The following DDX17 variants were observed in gnomAD, a reference collection of about 807,000 sequenced individuals.
DDX17 encodes probable ATP-dependent RNA helicase DDX17.
Under a neutral mutation model 80.8 loss-of-function variants are expected in DDX17, and 10 were observed. The observed-to-expected ratio is 0.12, with a 90% CI of 0.08 to 0.21. DDX17 has a LOEUF of 0.21. DDX17 is among the 10% of genes least tolerant of loss of function. The pLI is 1.00. For missense variants in DDX17, 586 were observed against 957.4 expected, an observed-to-expected ratio of 0.61 and a Z score of 5.12; for synonymous variants, 339 against 336.2, an observed-to-expected ratio of 1.01 and a Z score of -0.09.
chr22:38,496,775 C>T (rs550407579), intron 5 of DDX17, among the ~76,000 whole-genome samples: 1 of 152,224 alleles, frequency 6.6e-6, no homozygotes, highest in African/African-American at 2.4e-5. Flanking sequence ...TGTAATCTGA[C>T]AAGACTGTGT....
At chr22:38,492,165 G>C in intron 10 of DDX17, 50 bp from the exon 11 acceptor site, 1 of 1,494,358 alleles carries the variant, frequency 6.7e-7, no homozygotes, top group East Asian at 2.3e-5. Flanking sequence ...CTTGCTATCT[G>C]ATCTGTTTAC....
intron 7 of DDX17, 42 bp from the exon 8 acceptor site, chr22:38,494,844 G>A: frequency 4.3e-6 from 7 of 1,613,828 alleles, no homozygotes; most frequent in Non-Finnish European, 5.9e-6. Flanking sequence ...TAAGGAACTT[G>A]GACAAATGGC....
intron 1 of DDX17, 119 bp downstream of exon 1, chr22:38,505,831 CG>C (rs1483851762): frequency 7.9e-7 from 1 of 1,270,842 alleles, no homozygotes; most frequent in Non-Finnish European, 1.1e-6. Context: ...CGCCTCGAGT[CG>C]CCTCCCCTCG....
intron 11 of DDX17, chr22:38,491,830 A>T: frequency 2.3e-6 from 1 of 433,688 alleles, no homozygotes; most frequent in African/African-American, 2.2e-5. Context: ...TGTTAGGAGC[A>T]GGAAGAGACT....
intron 5 of DDX17, among the ~76,000 whole-genome samples, chr22:38,497,343 G>A (rs1055010222): frequency 2.8e-5 from 4 of 144,498 alleles, no homozygotes; most frequent in Admixed American, 1.4e-4. Flanking sequence ...AATGCCAGGC[G>A]CGGTGGCTCA....
chr22:38,494,473 C>G lies in DDX17; in HGVS notation c.1214+157G>C. On this transcript the variant is annotated intron_variant, in intron 8 of 12. Transcript: ENST00000403230. ...AGAATCCTTGCATTTAACCATAATG[C>G]TCTGACAAATGATATGATGATGGAT... 9.8e-6 allele frequency: 7 copies of G among 711,042 alleles called. No individual in the cohort carries two copies. In the South Asian group the frequency reaches 1.4e-4, roughly 14 times the overall value. The allele number at this position is 711,042 out of a possible 1,614,324, so 44.0% of individuals were successfully genotyped here. A position where few individuals can be genotyped will look rare whatever the true frequency, so the allele number is the denominator to read the frequency against.
Position 38,489,283 on chromosome 22 carries a change from CCTTTT to C in DDX17, c.1448-1173_1448-1169del, listed in dbSNP as rs1220667483. On this transcript the variant is annotated intron_variant, in intron 11 of 12. Coordinates refer to ENST00000403230, the MANE Select transcript of DDX17 (RefSeq NM_006386.5). This position sits in a 1 kb window ranked among gnomAD's most constrained non-coding sequence, Gnocchi z 4.6. ...CGCTGCAGCCGATCCCGTCTCTTTG[CCTTTT>C]ATTTTTGGCGGCCTCCTTTCGAAAA... The C allele has an allele frequency of 4.1e-6, 4 of 985,722 alleles. No homozygotes were observed. Among genetic ancestry groups the C allele is most frequent in the Non-Finnish European group, 3.6e-6 (3 of 829,938 alleles). 61.1% of individuals were successfully genotyped at this position (985,722 alleles called of 1,614,324 possible). A position where few individuals can be genotyped will look rare whatever the true frequency, so the allele number is the denominator to read the frequency against.
chr22:38,494,471 T>C lies in DDX17; in HGVS notation c.1214+159A>G. 3 of 705,686 alleles carry C rather than the reference T, an allele frequency of 4.3e-6. No homozygotes were observed. The South Asian group carries it at 6.0e-5, about 14-fold the overall frequency. 43.7% of individuals were successfully genotyped at this position (705,686 alleles called of 1,614,324 possible). ...TCAGAATCCTTGCATTTAACCATAA[T>C]GCTCTGACAAATGATATGATGATGG... is the stretch of plus-strand genomic sequence containing the variant. On this transcript the variant is annotated intron_variant, in intron 8 of 12. Transcript: ENST00000403230.
rs181116327 is a variant in DDX17 at position 38,484,770 on chromosome 22, A to G, written c.*1165T>C. The stretch of plus-strand genomic sequence containing the variant: ...TCCTCCATGACTTTTCTTAAGCACT[A>G]CCTACCTGTAATAAGCTGAGTGCAA... On this transcript the variant is annotated 3_prime_UTR_variant, in exon 13 of 13. Coordinates refer to ENST00000403230, the MANE Select transcript of DDX17 (RefSeq NM_006386.5). The G allele has an allele frequency of 6.6e-6, 1 of 152,348 alleles. No individual in the cohort carries two copies. The highest frequency in any genetic ancestry group is 6.5e-5 in the Admixed American group (1 of 15,296). 9.4% of individuals were successfully genotyped at this position (152,348 alleles called of 1,614,324 possible). A position where few individuals can be genotyped will look rare whatever the true frequency, so the allele number is the denominator to read the frequency against.
chr22:38,494,574 G>A, intron 8 of DDX17, 56 bp downstream of exon 8: 5 of 1,542,504 alleles, frequency 3.2e-6, no homozygotes, highest in Middle Eastern at 3.5e-4. Flanking sequence ...AATTTTGGAG[G>A]GTTATTAGAA....
In DDX17 at chr22:38,489,060, T is replaced by C. The variant is rs545900701; in HGVS notation, c.1448-945A>G. The C allele has an allele frequency of 1.0e-6, 1 of 984,360 alleles. No individual in the cohort carries two copies. Among genetic ancestry groups the C allele is most frequent in the South Asian group, 4.7e-5 (1 of 21,256 alleles). The allele number at this position is 984,360 out of a possible 1,614,324, so 61.0% of individuals were successfully genotyped here. Reference sequence around the variant, plus strand: ...TTAGTGTAATGCTTTCAGCTGAATGTATATTTTTACCTACTTAAACAAACA... The same window carrying C: ...TTAGTGTAATGCTTTCAGCTGAATGCATATTTTTACCTACTTAAACAAACA... On this transcript the variant is annotated intron_variant, in intron 11 of 12. Coordinates refer to ENST00000403230, the MANE Select transcript of DDX17 (RefSeq NM_006386.5). The surrounding 1 kb of genome is among the most constrained non-coding windows in gnomAD (Gnocchi z 4.6).
At chr22:38,495,594 T>C (rs926587695) in intron 6 of DDX17, among the ~76,000 whole-genome samples, 2 of 152,176 alleles carry the variant, frequency 1.3e-5, no homozygotes, top group South Asian at 2.1e-4. Flanking sequence ...TCAGGACTTA[T>C]GTACAATCAC....
Position 38,486,181 on chromosome 22 carries a change from A to G in DDX17, c.1944T>C (p.Ser648=), listed in dbSNP as rs767077848. Residue 648 remains serine, a synonymous_variant, in exon 13 of 13, where the codon AGT becomes AGC. Coordinates refer to ENST00000403230, the MANE Select transcript of DDX17 (RefSeq NM_006386.5). ...CACCATATTCTTGAGCTGTATAGCT[A>G]CTGGTGCCATAAGCAGCTGCCCCAT... 1.9e-6 allele frequency: 3 copies of G among 1,614,162 alleles called. No individual in the cohort carries two copies. The Admixed American group carries it at 5.0e-5, about 27-fold the overall frequency.
At position 38,501,206 on chromosome 22, in the gene DDX17, T is replaced by C; in HGVS notation, c.362A>G (p.Lys121Arg). ...CTTGGGGAGCTCACTCAAATCCCAC[T>C]TTTTTTTACGCAAACGCTCCCCAGG... The change falls in exon 2 of 13, where the codon AAG becomes AGG. Residue 121 changes from lysine to arginine, a missense_variant. Transcript: ENST00000403230. The C allele has an allele frequency of 6.2e-7, 1 of 1,611,904 alleles. No individual in the cohort carries two copies. Among genetic ancestry groups the C allele is most frequent in the African/African-American group, 1.3e-5 (1 of 74,818 alleles).
chr22:38,485,300 G>A lies in DDX17; in HGVS notation c.*635C>T, dbSNP rs576191541. 8 of 152,210 alleles carry A rather than the reference G, an allele frequency of 5.3e-5. 1 individual carries two copies. The South Asian group carries it at 1.7e-3, about 32-fold the overall frequency. 9.4% of individuals were successfully genotyped at this position (152,210 alleles called of 1,614,324 possible). ...TGGTTATTTTTCAGTAACGGGGGGAGAAGTGGGGAGGCAGAGTGTGAAGGG... is the reference window on the plus strand; with the variant it reads ...TGGTTATTTTTCAGTAACGGGGGGAAAAGTGGGGAGGCAGAGTGTGAAGGG... On this transcript the variant is annotated 3_prime_UTR_variant, in exon 13 of 13. Transcript: ENST00000403230.
At chr22:38,493,578 G>A (rs2089733466) in intron 10 of DDX17, 132 bp downstream of exon 10, 1 of 689,928 alleles carries the variant, frequency 1.4e-6, no homozygotes, top group Non-Finnish European at 2.6e-6. Flanking sequence ...ACCACCATTT[G>A]GTTTACAAAG....
chr22:38,503,583 CCTTTTA>C (rs2145712963), intron 1 of DDX17, among the ~76,000 whole-genome samples: 1 of 152,276 alleles, frequency 6.6e-6, no homozygotes, highest in South Asian at 2.1e-4. Flanking sequence ...TTCAAGAAAG[CCTTTTA>C]CTTTTGAGCA....
chr22:38,490,860 G>A (rs555411573), intron 11 of DDX17: 1 of 176,598 alleles, frequency 5.7e-6, no homozygotes, highest in South Asian at 1.1e-4. Context: ...TTGGATGAGT[G>A]GGGGTGGGAT....
chr22:38,488,893 AAT>A, intron 11 of DDX17: 2 of 985,410 alleles, frequency 2.0e-6, no homozygotes, highest in Non-Finnish European at 2.4e-6. Flanking sequence ...TTCAATTATC[AAT>A]GATTGTCTAC....
Sources: allele counts gnomAD v4.1 joint callset (sites outside exome capture counted in the v4.1 genomes callset), GRCh38; gene constraint gnomAD v4.1.1; non-coding constraint Gnocchi (gnomAD v3.1); transcripts MANE v1.5; gene names NCBI Gene and HGNC (gene_info 2026-07-23, HGNC 2026-07-21).